The following LRRC4C variants were observed in gnomAD, a reference collection of about 807,000 sequenced individuals.
LRRC4C encodes the protein leucine-rich repeat-containing protein 4C.
A neutral mutation model predicts 33.6 loss-of-function variants in LRRC4C; 5 were observed. The ratio of observed to expected loss-of-function variants is 0.15; its 90% CI spans 0.08 to 0.31. LRRC4C has a LOEUF of 0.31. LRRC4C is among the 10% of genes least tolerant of loss of function. The pLI, the probability that LRRC4C is intolerant of heterozygous loss-of-function variation, is 1.00. For synonymous variants in LRRC4C, 329 were observed against 302.0 expected, an observed-to-expected ratio of 1.09 and a Z score of -0.93; for missense variants, 560 against 796.7, an observed-to-expected ratio of 0.70 and a Z score of 3.58.
At chr11:41,244,930 C>G (rs1478445871) in intron 1 of LRRC4C, among the ~76,000 whole-genome samples, 2 of 152,106 alleles carry the variant, frequency 1.3e-5, no homozygotes, top group Non-Finnish European at 2.9e-5. Flanking sequence ...TACAACATGA[C>G]AGGTATTTTG....
chr11:41,193,631 C>A (rs1946058471), intron 1 of LRRC4C, among the ~76,000 whole-genome samples: 1 of 152,052 alleles, frequency 6.6e-6, no homozygotes, highest in Non-Finnish European at 1.5e-5. Context: ...GGATCTTGAT[C>A]TAATTAAACA....
intron 2 of LRRC4C, among the ~76,000 whole-genome samples, chr11:40,818,440 C>G (rs1271424365): frequency 1.3e-5 from 2 of 152,008 alleles, no homozygotes; most frequent in Non-Finnish European, 2.9e-5. Context: ...ATCAAATAAG[C>G]TCTGGTTTAT....
At chr11:41,204,205 C>A (rs560685548) in intron 1 of LRRC4C, among the ~76,000 whole-genome samples, 2 of 152,214 alleles carry the variant, frequency 1.3e-5, no homozygotes, top group South Asian at 2.1e-4. Flanking sequence ...ATGTATACTG[C>A]AAGGAATTAA....
At chr11:40,684,811 C>T (rs1354845384) in intron 2 of LRRC4C, among the ~76,000 whole-genome samples, 3 of 151,586 alleles carry the variant, frequency 2.0e-5, no homozygotes, top group Non-Finnish European at 4.4e-5. Context: ...GACTAGAGTA[C>T]AATGAAAATA....
chr11:41,362,657 T>C (rs892109649), intron 1 of LRRC4C, among the ~76,000 whole-genome samples: 1 of 152,176 alleles, frequency 6.6e-6, no homozygotes, highest in Non-Finnish European at 1.5e-5. Flanking sequence ...TCTTTTACAG[T>C]CTAGAGGTCA....
intron 1 of LRRC4C, among the ~76,000 whole-genome samples, chr11:41,113,959 T>C (rs1338040291): frequency 1.3e-5 from 2 of 152,068 alleles, no homozygotes; most frequent in Non-Finnish European, 2.9e-5. Context: ...TGAATCTAAA[T>C]ATAATCAGTG....
chr11:41,346,523 T>C (rs927442835), intron 1 of LRRC4C, among the ~76,000 whole-genome samples: 1 of 152,228 alleles, frequency 6.6e-6, no homozygotes, highest in African/African-American at 2.4e-5. Context: ...TAAAAAATGA[T>C]GATATCCTAA....
At chr11:40,558,885 G>A (rs1957434985) in intron 3 of LRRC4C, among the ~76,000 whole-genome samples, 1 of 152,018 alleles carries the variant, frequency 6.6e-6, no homozygotes, top group Non-Finnish European at 1.5e-5. Context: ...AGACCCCAGT[G>A]TCTGTTGTTT....
rs556809132 is a variant in LRRC4C at position 40,476,477 on chromosome 11, C to G, written c.-269-156756G>C. On this transcript the variant is annotated intron_variant, in intron 3 of 6. Coordinates refer to ENST00000528697, the MANE Select transcript of LRRC4C (RefSeq NM_001258419.2). ...TCTCCTGCCTCAGCCTCCCAAGTAG[C>G]TGGGACTACGGGCACATGCCACCAT... is the stretch of plus-strand genomic sequence containing the variant. 1.8e-3 allele frequency among the ~76,000 whole-genome samples: 275 copies of G among 151,236 alleles called. 1 individual carries two copies. The highest frequency in any genetic ancestry group is 6.4e-3 in the African/African-American group (265 of 41,198).
intron 5 of LRRC4C, among the ~76,000 whole-genome samples, chr11:40,209,959 TAGAG>T (rs1416934253): frequency 6.6e-6 from 1 of 152,034 alleles, no homozygotes; most frequent in African/African-American, 2.4e-5. Context: ...GCATGCTAGT[TAGAG>T]AGAGTAGTAC....
chr11:40,896,636 T>C (rs2136151565), intron 2 of LRRC4C, among the ~76,000 whole-genome samples: 1 of 152,076 alleles, frequency 6.6e-6, no homozygotes, highest in East Asian at 1.9e-4. Flanking sequence ...CATATGTAGA[T>C]AAGAGTAAAA....
intron 1 of LRRC4C, among the ~76,000 whole-genome samples, chr11:40,979,425 A>C (rs1263539348): frequency 1.3e-5 from 2 of 152,196 alleles, no homozygotes; most frequent in Non-Finnish European, 2.9e-5. Context: ...AGACTACAAA[A>C]TTTTGGTAAA....
At chr11:40,208,980 T>TGTGTGTGTG in intron 5 of LRRC4C, among the ~76,000 whole-genome samples, 3 of 151,658 alleles carry the variant, frequency 2.0e-5, no homozygotes, top group Non-Finnish European at 2.9e-5. Context: ...TGTGTGTGTG[T>TGTGTGTGTG]TTCTTCCTGA....
intron 2 of LRRC4C, among the ~76,000 whole-genome samples, chr11:40,711,731 A>AC (rs1419674985): frequency 2.0e-5 from 3 of 151,952 alleles, no homozygotes; most frequent in Admixed American, 6.6e-5. Context: ...AGAAAAAAAA[A>AC]AAAAAACTTT....
chr11:40,349,994 C>G (rs893048989), intron 3 of LRRC4C, among the ~76,000 whole-genome samples: 1 of 151,912 alleles, frequency 6.6e-6, no homozygotes, highest in South Asian at 2.1e-4. Flanking sequence ...GTTATTAGTC[C>G]CTTGTCAGAT....
chr11:40,570,725 C>A (rs1180667137), intron 3 of LRRC4C, among the ~76,000 whole-genome samples: 2 of 152,052 alleles, frequency 1.3e-5, no homozygotes, highest in African/African-American at 4.8e-5. Flanking sequence ...AGATTCTCAT[C>A]CTTTATGACA....
chr11:40,561,751 T>C (rs1957559041), intron 3 of LRRC4C, among the ~76,000 whole-genome samples: 1 of 152,068 alleles, frequency 6.6e-6, no homozygotes. Flanking sequence ...AAGAAGGAGA[T>C]TAGATAAACC....
At chr11:40,477,472 T>C (rs1953297282) in intron 3 of LRRC4C, among the ~76,000 whole-genome samples, 1 of 152,184 alleles carries the variant, frequency 6.6e-6, no homozygotes, top group African/African-American at 2.4e-5. Context: ...CATCAATATA[T>C]TCATTACCCA....
At chr11:41,304,560 CTGGGAGGGAGGTGGGGGGGT>C in intron 1 of LRRC4C, among the ~76,000 whole-genome samples, 1 of 113,366 alleles carries the variant, frequency 8.8e-6, no homozygotes, top group Non-Finnish European at 1.9e-5. Flanking sequence ...GCCGCCCCGT[CTGGGAGGGAGGTGGGGGGGT>C]CAGCCCCCCG....
Sources: allele counts gnomAD v4.1 joint callset (sites outside exome capture counted in the v4.1 genomes callset), GRCh38; gene constraint gnomAD v4.1.1; transcripts MANE v1.5; gene names NCBI Gene and HGNC (gene_info 2026-07-23, HGNC 2026-07-21).